ZMAT3: variants seen among roughly 807,000 people sequenced by gnomAD.
ZMAT3 encodes the protein zinc finger matrin-type 3, also known as zinc finger matrin-type protein 3.
Under a neutral mutation model 32.3 loss-of-function variants are expected in ZMAT3, and 17 were observed. That is an observed-to-expected ratio of 0.53 (90% CI 0.36 to 0.79). The LOEUF is 0.79. Ranked by LOEUF, ZMAT3 falls within the 30% of genes least tolerant of loss-of-function variation. The probability of loss-of-function intolerance (pLI) is 0.00; values close to 1 mark genes in which losing one functional copy is unlikely to be tolerated. For missense variants in ZMAT3, 329 were observed against 359.7 expected, an observed-to-expected ratio of 0.91 and a Z score of 0.69; for synonymous variants, 120 against 133.1, an observed-to-expected ratio of 0.90 and a Z score of 0.68.
At chr3:179,026,325 T>C (rs1011455521) in intron 5 of ZMAT3, among the ~76,000 whole-genome samples, 1 of 151,728 alleles carries the variant, frequency 6.6e-6, no homozygotes, top group African/African-American at 2.4e-5. Context: ...TAATTTTACA[T>C]TTATTACAAT....
intron 2 of ZMAT3, among the ~76,000 whole-genome samples, chr3:179,049,369 C>CTA (rs1017310525): frequency 7.2e-5 from 11 of 152,156 alleles, no homozygotes; most frequent in African/African-American, 2.4e-4. Flanking sequence ...AATATACATT[C>CTA]TATTCATCAG....
chr3:179,051,819 T>TA (rs1341067414), intron 2 of ZMAT3, among the ~76,000 whole-genome samples: 2 of 152,112 alleles, frequency 1.3e-5, no homozygotes, highest in Non-Finnish European at 1.5e-5. Context: ...GGTACTGGTA[T>TA]AAAAACAGGC....
rs186962031 is a variant in ZMAT3 at position 179,021,748 on chromosome 3, A to G, written c.*3269T>C. 1.0e-3 allele frequency: 154 copies of G among 152,328 alleles called. 1 individual carries two copies. The highest frequency in any genetic ancestry group is 3.4e-3 in the African/African-American group (142 of 41,576). 9.4% of individuals were successfully genotyped at this position (152,328 alleles called of 1,614,324 possible). On this transcript the variant is annotated 3_prime_UTR_variant, in exon 6 of 6. Transcript: ENST00000311417. ...GAAACAACAGTCTGCTTAAACAGAG[A>G]AAAAACACTGTTTATGGAATACATG...
At chr3:179,029,191 C>G (rs1349015296) in intron 3 of ZMAT3, among the ~76,000 whole-genome samples, 1 of 151,878 alleles carries the variant, frequency 6.6e-6, no homozygotes, top group African/African-American at 2.4e-5. Flanking sequence ...AATTCTTGCT[C>G]CACCACTTTA....
chr3:179,041,535 G>C (rs1205367818), intron 2 of ZMAT3, among the ~76,000 whole-genome samples: 1 of 152,180 alleles, frequency 6.6e-6, no homozygotes, highest in Admixed American at 6.5e-5. Flanking sequence ...TGAAACAAAT[G>C]AGAACAAAAA....
rs1220339448 is a variant in ZMAT3, at chr3:179,022,281, G to A, written c.*2736C>T. The A allele has an allele frequency of 6.6e-6, 1 of 152,152 alleles. No homozygotes were observed. Among genetic ancestry groups the A allele is most frequent in the African/African-American group, 2.4e-5 (1 of 41,424 alleles). The allele number at this position is 152,152 out of a possible 1,614,324, so 9.4% of individuals were successfully genotyped here. A position where few individuals can be genotyped will look rare whatever the true frequency, so the allele number is the denominator to read the frequency against. ...AATTGTTAAGTGGAGAGAGCAAGGG[G>A]AACCCTTCTTATAAAACTATTTCCA... On this transcript the variant is annotated 3_prime_UTR_variant, in exon 6 of 6. Transcript: ENST00000311417.
At chr3:179,045,372 G>A (rs1383710352) in intron 2 of ZMAT3, among the ~76,000 whole-genome samples, 1 of 151,996 alleles carries the variant, frequency 6.6e-6, no homozygotes, top group Non-Finnish European at 1.5e-5. Flanking sequence ...CAAAAAAGGT[G>A]GAAACAATGT....
rs1290755873 is a variant in ZMAT3 at position 179,023,450 on chromosome 3, A to C, written c.*1567T>G. On this transcript the variant is annotated 3_prime_UTR_variant, in exon 6 of 6. Coordinates refer to ENST00000311417, the MANE Select transcript of ZMAT3 (RefSeq NM_022470.4). ...TGAAACTTTATTTGCTTTTTAAAAAATTCCTCTGTGTATAAAACAGCAGGT... is the reference window on the plus strand; with the variant it reads ...TGAAACTTTATTTGCTTTTTAAAAACTTCCTCTGTGTATAAAACAGCAGGT... The C allele has an allele frequency of 1.3e-5, 2 of 151,370 alleles. No individual in the cohort carries two copies. Among genetic ancestry groups the C allele is most frequent in the Non-Finnish European group, 2.9e-5 (2 of 67,878 alleles). 9.4% of individuals were successfully genotyped at this position (151,370 alleles called of 1,614,324 possible). A position where few individuals can be genotyped will look rare whatever the true frequency, so the allele number is the denominator to read the frequency against.
At chr3:179,032,521 G>A (rs1311488458) in intron 2 of ZMAT3, among the ~76,000 whole-genome samples, 11 of 149,564 alleles carry the variant, frequency 7.4e-5, no homozygotes, top group East Asian at 2.0e-4. Context: ...AGTGAGGAGC[G>A]CCTCTTCCCG....
At chr3:179,066,703 C>T (rs1317501577) in intron 2 of ZMAT3, among the ~76,000 whole-genome samples, 1 of 152,202 alleles carries the variant, frequency 6.6e-6, no homozygotes, top group African/African-American at 2.4e-5. Flanking sequence ...TAACTTTATA[C>T]AGACAAATGT....
intron 2 of ZMAT3, among the ~76,000 whole-genome samples, chr3:179,056,027 C>T (rs1452193730): frequency 6.6e-6 from 1 of 152,122 alleles, no homozygotes; most frequent in Admixed American, 6.5e-5. Flanking sequence ...AGGAAGAAGC[C>T]TATGAATTAC....
At chr3:179,059,340 C>A (rs923891274) in intron 2 of ZMAT3, among the ~76,000 whole-genome samples, 6 of 152,172 alleles carry the variant, frequency 3.9e-5, no homozygotes, top group Non-Finnish European at 8.8e-5. Flanking sequence ...AGGAAAAATA[C>A]TTTTGCCTGC....
At chr3:179,031,705 G>A (rs747325096) in intron 2 of ZMAT3, among the ~76,000 whole-genome samples, 6 of 152,088 alleles carry the variant, frequency 3.9e-5, no homozygotes, top group South Asian at 4.2e-4. Flanking sequence ...TCAGGAGTTC[G>A]AGACCAGCCT....
At chr3:179,051,041 G>C (rs144896118) in intron 2 of ZMAT3, among the ~76,000 whole-genome samples, 1 of 152,086 alleles carries the variant, frequency 6.6e-6, no homozygotes, top group African/African-American at 2.4e-5. Context: ...TACTGAATGC[G>C]GAAAAGTTGA....
chr3:179,039,425 T>A (rs1719791517), intron 2 of ZMAT3, among the ~76,000 whole-genome samples: 2 of 152,208 alleles, frequency 1.3e-5, no homozygotes, highest in Admixed American at 1.3e-4. Flanking sequence ...CCTCCGCTGG[T>A]GATACCCAGG....
At chr3:179,047,051 C>T (rs1720279537) in intron 2 of ZMAT3, among the ~76,000 whole-genome samples, 1 of 152,158 alleles carries the variant, frequency 6.6e-6, no homozygotes, top group African/African-American at 2.4e-5. Context: ...CCAACCAACA[C>T]AAAACCAGCA....
intron 2 of ZMAT3, among the ~76,000 whole-genome samples, chr3:179,052,668 G>T (rs903370260): frequency 4.6e-5 from 7 of 152,120 alleles, no homozygotes; most frequent in Non-Finnish European, 8.8e-5. Context: ...CACAGGAAAA[G>T]AAGTCATTAC....
chr3:179,067,512 A>G lies in ZMAT3; in HGVS notation c.241T>C (p.Ser81Pro). 1.2e-6 allele frequency: 2 copies of G among 1,614,162 alleles called. No individual in the cohort carries two copies. The highest frequency in any genetic ancestry group is 1.7e-6 in the Non-Finnish European group (2 of 1,180,034). The change falls in exon 2 of 6, where the codon TCT becomes CCT. Residue 81 changes from serine (S) to proline (P), a missense_variant. Physicochemically the swap from Ser to Pro is moderately conservative, Grantham distance 74 (BLOSUM62 -1). Transcript: ENST00000311417. ...TAATGAGCCTGGGCTTGCTGTGCAG[A>G]GTTCAAGGTGACATTGCAGAGTTTG... ...YCKLCNVTLNSAQQAQAHYQG... is the reference protein window; with the variant it reads ...YCKLCNVTLNPAQQAQAHYQG...
intron 5 of ZMAT3, among the ~76,000 whole-genome samples, chr3:179,026,683 G>C (rs1333936735): frequency 6.6e-6 from 1 of 152,124 alleles, no homozygotes; most frequent in African/African-American, 2.4e-5. Context: ...ACAGGAGCCT[G>C]GCCTGAATTG....
Sources: gnomAD v4.1 joint callset for allele counts (sites outside exome capture counted in the v4.1 genomes callset) on GRCh38, gnomAD v4.1.1 for gene constraint, MANE v1.5 for transcripts, NCBI Gene and HGNC (gene_info 2026-07-23, HGNC 2026-07-21) for gene names.